MYOM1: variants seen among roughly 807,000 people sequenced by gnomAD.
The protein encoded by MYOM1 is myomesin 1.
Under a neutral mutation model 205.3 loss-of-function variants are expected in MYOM1, and 164 were observed. That is an observed-to-expected ratio of 0.80 (90% CI 0.70 to 0.91). The LOEUF is 0.91. MYOM1 is among the 40% of genes least tolerant of loss of function. MYOM1 has a pLI of 0.00. For missense variants in MYOM1, 2,011 were observed against 2,127.3 expected (o/e 0.95, Z 1.08); for synonymous variants, 772 against 789.4 (o/e 0.98, Z 0.37).
chr18:3,107,530 T>C (rs1174145389), intron 22 of MYOM1, among the ~76,000 whole-genome samples: 2 of 152,198 alleles, frequency 1.3e-5, no homozygotes, highest in African/African-American at 2.4e-5. Context: ...ACAAATGTCT[T>C]ATATTTCCCC....
At position 3,208,329 on chromosome 18, in the gene MYOM1, CA is replaced by C. The variant is rs772429722; in HGVS notation, c.290+6604del. On this transcript the variant is annotated intron_variant, in intron 2 of 37. Coordinates refer to ENST00000356443, the MANE Select transcript of MYOM1 (RefSeq NM_003803.4). The stretch of plus-strand genomic sequence containing the variant: ...GGGAGTTTGAGACCAGCCTGAGCAA[CA>C]TGGTGAAACCCCGTCTCTACAAAAA... Among the ~76,000 whole-genome samples, 8 of 152,334 alleles carry C rather than the reference CA, an allele frequency of 5.3e-5. No individual in the cohort carries two copies. The East Asian group carries it at 1.5e-3, about 29-fold the overall frequency.
At chr18:3,112,273 T>C in intron 22 of MYOM1, 25 bp downstream of exon 22, 1 of 1,599,710 alleles carries the variant, frequency 6.3e-7, no homozygotes, top group Non-Finnish European at 8.6e-7. Flanking sequence ...ATAGGATTAG[T>C]TTTAATGAAA....
At chr18:3,169,048 AGCACAGGCAG>A in intron 8 of MYOM1, 67 bp from the exon 9 acceptor site, 1 of 1,408,230 alleles carries the variant, frequency 7.1e-7, no homozygotes, top group South Asian at 1.3e-5. Context: ...CATTTTAATA[AGCACAGGCAG>A]AAAGCAGTCA....
At chr18:3,125,842 T>C (rs1490419483) in intron 19 of MYOM1, among the ~76,000 whole-genome samples, 3 of 152,080 alleles carry the variant, frequency 2.0e-5, no homozygotes, top group Admixed American at 1.3e-4. Flanking sequence ...GAGGCCCCCA[T>C]GTAGAGGAGA....
intron 5 of MYOM1, 25 bp downstream of exon 5, chr18:3,187,455 G>A (rs1567957280): frequency 7.5e-6 from 12 of 1,605,968 alleles, no homozygotes; most frequent in Non-Finnish European, 1.0e-5. Context: ...AATGAATTCT[G>A]TTAGCTTTCA....
At chr18:3,077,505 G>A (rs923893970) in intron 34 of MYOM1, among the ~76,000 whole-genome samples, 8 of 152,128 alleles carry the variant, frequency 5.3e-5, no homozygotes, top group Non-Finnish European at 1.0e-4. Flanking sequence ...GTAAAATGAA[G>A]GGTAGACCAG....
chr18:3,086,505 A>T (rs1197855071), intron 29 of MYOM1, among the ~76,000 whole-genome samples: 2 of 152,224 alleles, frequency 1.3e-5, no homozygotes, highest in African/African-American at 4.8e-5. Context: ...CATCAGATTA[A>T]AATACAGGCT....
rs554652686 is a variant in MYOM1 at position 3,211,060 on chromosome 18, C to T, written c.290+3874G>A. 3.3e-5 allele frequency among the ~76,000 whole-genome samples: 5 copies of T among 152,294 alleles called. No individual in the cohort carries two copies. In the South Asian group the frequency reaches 8.3e-4, roughly 25 times the overall value. ...AGGTTGAGGAACAACTCTAAATCAT[C>T]CCACAACCTAAGAAACCTGCTGTGC... is the stretch of plus-strand genomic sequence containing the variant. On this transcript the variant is annotated intron_variant, in intron 2 of 37. Coordinates refer to ENST00000356443, the MANE Select transcript of MYOM1 (RefSeq NM_003803.4).
chr18:3,212,066 T>C (rs545476108), intron 2 of MYOM1, among the ~76,000 whole-genome samples: 1 of 152,360 alleles, frequency 6.6e-6, no homozygotes, highest in African/African-American at 2.4e-5. Context: ...TCTGCACCTG[T>C]GTTCTAGGTC....
chr18:3,157,877 T>A (rs2080324791), intron 10 of MYOM1, among the ~76,000 whole-genome samples: 1 of 151,832 alleles, frequency 6.6e-6, no homozygotes, highest in African/African-American at 2.4e-5. Context: ...ACAACATTAA[T>A]CCTCTTCTAC....
At chr18:3,160,093 TCTC>T (rs1274649755) in intron 10 of MYOM1, among the ~76,000 whole-genome samples, 2 of 99,470 alleles carry the variant, frequency 2.0e-5, no homozygotes, top group African/African-American at 9.7e-5. Flanking sequence ...TCCTCCTTCT[TCTC>T]CTCCTCCTTC....
intron 12 of MYOM1, 80 bp from the exon 13 acceptor site, chr18:3,149,281 GC>G: frequency 8.2e-7 from 1 of 1,216,328 alleles, no homozygotes; most frequent in Non-Finnish European, 1.2e-6. Context: ...TGGGAAAGTG[GC>G]CAGATTAGTC....
chr18:3,188,270 T>C (rs769691278), intron 4 of MYOM1, among the ~76,000 whole-genome samples: 2 of 152,218 alleles, frequency 1.3e-5, no homozygotes, highest in Non-Finnish European at 2.9e-5. Flanking sequence ...TTTTAATGTC[T>C]TTCTCCTTGT....
intron 25 of MYOM1, among the ~76,000 whole-genome samples, chr18:3,094,700 T>C (rs1432190318): frequency 1.3e-5 from 2 of 151,950 alleles, no homozygotes; most frequent in Non-Finnish European, 2.9e-5. Context: ...CTCACTCTGT[T>C]GCCCAGGCTG....
chr18:3,175,899 A>G, intron 6 of MYOM1, 143 bp downstream of exon 6: 1 of 557,902 alleles, frequency 1.8e-6, no homozygotes, highest in East Asian at 2.9e-5. Context: ...TCAGGTGTGC[A>G]CCCAGAGAAG....
At chr18:3,150,979 C>CTTTTTTTT (rs1164882266) in intron 12 of MYOM1, among the ~76,000 whole-genome samples, 11 of 55,912 alleles carry the variant, frequency 2.0e-4, no homozygotes, top group African/African-American at 6.5e-4. Context: ...CCATGCCTGG[C>CTTTTTTTT]TTTTTTTTTT....
At chr18:3,133,546 G>C (rs2079908348) in intron 16 of MYOM1, among the ~76,000 whole-genome samples, 1 of 152,008 alleles carries the variant, frequency 6.6e-6, no homozygotes, top group African/African-American at 2.4e-5. Context: ...CTTAGCACTG[G>C]GTTTAATCAT....
At chr18:3,133,498 T>G (rs573241730) in intron 16 of MYOM1, among the ~76,000 whole-genome samples, 1 of 152,276 alleles carries the variant, frequency 6.6e-6, no homozygotes, top group East Asian at 1.9e-4. Flanking sequence ...AGGCAGCAAA[T>G]TATTCTGAAT....
At chr18:3,153,431 G>T (rs117949125) in intron 11 of MYOM1, among the ~76,000 whole-genome samples, 13 of 152,284 alleles carry the variant, frequency 8.5e-5, no homozygotes, top group Non-Finnish European at 1.8e-4. Flanking sequence ...ACAGTGCCAT[G>T]CACACAGTAA....
Sources: allele counts gnomAD v4.1 joint callset (sites outside exome capture counted in the v4.1 genomes callset), GRCh38; gene constraint gnomAD v4.1.1; transcripts MANE v1.5; gene names NCBI Gene and HGNC (gene_info 2026-07-23, HGNC 2026-07-21).